Variants in CSMD3 observed in about 807,000 individuals in gnomAD.
CSMD3 encodes the protein CUB and sushi domain-containing protein 3.
A neutral mutation model predicts 435.2 loss-of-function variants in CSMD3; 177 were observed. That is an observed-to-expected ratio of 0.41 (90% confidence interval 0.36 to 0.46). The LOEUF is 0.46. CSMD3 is among the 20% of genes least tolerant of loss of function. The pLI, the probability that CSMD3 is intolerant of heterozygous loss-of-function variation, is 0.34. For synonymous variants in CSMD3, 1,656 were observed against 1,520.5 expected (o/e 1.09, Z -2.07); for missense variants, 4,265 against 4,504.6 (o/e 0.95, Z 1.52).
In CSMD3 at chr8:112,526,421, C is replaced by CACCCACA. The variant is rs542575943; in HGVS notation, c.4565-9203_4565-9197dup. On this transcript the variant is annotated intron_variant, in intron 27 of 70. Transcript: ENST00000297405. ...TCTCTCTCTCTCTCTCACACAACCA[C>CACCCACA]ACCCACAACCCACAAACACACACCA... 3.6e-3 allele frequency among the ~76,000 whole-genome samples: 544 copies of CACCCACA among 152,074 alleles called. 1 individual carries two copies. Among genetic ancestry groups the CACCCACA allele is most frequent in the African/African-American group, 0.013 (521 of 41,520 alleles).
chr8:112,826,030 G>C (rs2079670144), intron 12 of CSMD3, among the ~76,000 whole-genome samples: 1 of 152,178 alleles, frequency 6.6e-6, no homozygotes, highest in African/African-American at 2.4e-5. Context: ...CTGAGCCCCT[G>C]GCTGGAGTTC....
rs1460041019 is a variant in CSMD3 at position 112,494,394 on chromosome 8, CTTTT to C, written c.5084-1715_5084-1712del. Among the ~76,000 whole-genome samples, 25 of 148,202 alleles carry C rather than the reference CTTTT, an allele frequency of 1.7e-4. 1 individual carries two copies. The South Asian group carries it at 4.6e-3, about 28-fold the overall frequency. On this transcript the variant is annotated intron_variant, in intron 30 of 70. Transcript: ENST00000297405. ...TAAAGGCTCACGACCCTACTATTTT[CTTTT>C]TCTTTTCTTTTCTTTTCTTTCTTTC... is the stretch of plus-strand genomic sequence containing the variant.
intron 13 of CSMD3, among the ~76,000 whole-genome samples, chr8:112,699,250 C>T (rs1336276990): frequency 6.6e-6 from 1 of 152,162 alleles, no homozygotes; most frequent in Non-Finnish European, 1.5e-5. Context: ...CAGCTTCACT[C>T]CTGAAGTCAG....
chr8:112,869,156 C>G (rs1236453170), intron 10 of CSMD3, among the ~76,000 whole-genome samples: 1 of 152,162 alleles, frequency 6.6e-6, no homozygotes, highest in African/African-American at 2.4e-5. Flanking sequence ...AGAGCAGTGA[C>G]AGTGTGCTTA....
intron 4 of CSMD3, among the ~76,000 whole-genome samples, chr8:113,167,477 T>C (rs1263171881): frequency 6.6e-6 from 1 of 152,146 alleles, no homozygotes; most frequent in Non-Finnish European, 1.5e-5. Flanking sequence ...TAAAGACAAA[T>C]CATGTTGCCT....
chr8:113,327,144 C>A (rs1211672271), intron 1 of CSMD3, among the ~76,000 whole-genome samples: 1 of 152,014 alleles, frequency 6.6e-6, no homozygotes, highest in African/African-American at 2.4e-5. Flanking sequence ...TAGTATTTTT[C>A]TGTGATTTTC....
chr8:112,979,444 AAC>A (rs1176098312), intron 6 of CSMD3, among the ~76,000 whole-genome samples: 1 of 151,612 alleles, frequency 6.6e-6, no homozygotes, highest in African/African-American at 2.4e-5. Flanking sequence ...CAGTGTATGA[AAC>A]ACAGATTTTT....
intron 3 of CSMD3, among the ~76,000 whole-genome samples, chr8:113,185,495 T>A (rs1024395098): frequency 6.6e-6 from 1 of 152,026 alleles, no homozygotes; most frequent in African/African-American, 2.4e-5. Flanking sequence ...TTAGTCCCAC[T>A]CATGTTGAGT....
At chr8:113,343,820 C>T (rs1340613791) in intron 1 of CSMD3, among the ~76,000 whole-genome samples, 1 of 152,020 alleles carries the variant, frequency 6.6e-6, no homozygotes, top group African/African-American at 2.4e-5. Context: ...GCCTGTAATC[C>T]CAGCACTTTG....
intron 6 of CSMD3, among the ~76,000 whole-genome samples, chr8:112,999,939 T>A (rs746859915): frequency 2.6e-5 from 4 of 151,974 alleles, no homozygotes; most frequent in Non-Finnish European, 5.9e-5. Flanking sequence ...GAAATCTAAA[T>A]GAAGGTGTTT....
intron 3 of CSMD3, among the ~76,000 whole-genome samples, chr8:113,232,705 A>G (rs2093102137): frequency 6.6e-6 from 1 of 151,808 alleles, no homozygotes; most frequent in Non-Finnish European, 1.5e-5. Flanking sequence ...TTTTAAGGTA[A>G]TCAAATACCT....
At chr8:112,550,582 TA>T in intron 27 of CSMD3, 88 bp downstream of exon 27, 1 of 701,452 alleles carries the variant, frequency 1.4e-6, no homozygotes, top group Non-Finnish European at 2.5e-6. Context: ...ATTAAAATTT[TA>T]AAATTAAAAT....
chr8:112,274,740 G>T (rs1563723897), intron 59 of CSMD3, among the ~76,000 whole-genome samples: 1 of 152,046 alleles, frequency 6.6e-6, no homozygotes, highest in Non-Finnish European at 1.5e-5. Context: ...ATCATAAGTA[G>T]AAATGGACCA....
At chr8:113,140,179 G>C (rs2091514385) in intron 4 of CSMD3, among the ~76,000 whole-genome samples, 1 of 150,290 alleles carries the variant, frequency 6.7e-6, no homozygotes, top group Non-Finnish European at 1.5e-5. Flanking sequence ...AATGATATAG[G>C]GAAAATCCAC....
At chr8:112,707,800 C>T (rs1336842648) in intron 13 of CSMD3, among the ~76,000 whole-genome samples, 1 of 151,974 alleles carries the variant, frequency 6.6e-6, no homozygotes, top group Non-Finnish European at 1.5e-5. Flanking sequence ...CGCATTTTAA[C>T]TCTTATAAAT....
chr8:112,689,760 C>T (rs1586975701), intron 14 of CSMD3, 108 bp downstream of exon 14: 4 of 928,578 alleles, frequency 4.3e-6, no homozygotes, highest in Non-Finnish European at 6.9e-6. Flanking sequence ...GTGCTACTCA[C>T]TCAAAAATAA....
At chr8:113,170,134 A>G (rs1321231744) in intron 4 of CSMD3, among the ~76,000 whole-genome samples, 1 of 152,184 alleles carries the variant, frequency 6.6e-6, no homozygotes, top group African/African-American at 2.4e-5. Flanking sequence ...TGAGTAGATC[A>G]TTACAGAGTC....
intron 7 of CSMD3, among the ~76,000 whole-genome samples, chr8:112,973,620 T>G (rs375646616): frequency 2.6e-5 from 4 of 152,062 alleles, no homozygotes; most frequent in African/African-American, 9.6e-5. Context: ...AATTTGGACC[T>G]GCTGGTAATC....
At chr8:113,198,551 T>C (rs2092684594) in intron 3 of CSMD3, among the ~76,000 whole-genome samples, 1 of 151,374 alleles carries the variant, frequency 6.6e-6, no homozygotes, top group South Asian at 2.1e-4. Context: ...TTCCTTCCAC[T>C]TCATACACTA....
Sources: allele counts gnomAD v4.1 joint callset (sites outside exome capture counted in the v4.1 genomes callset), GRCh38; gene constraint gnomAD v4.1.1; transcripts MANE v1.5; gene names NCBI Gene and HGNC (gene_info 2026-07-23, HGNC 2026-07-21).